The following PALM variants were observed in gnomAD, a reference collection of about 807,000 sequenced individuals.
The protein encoded by PALM is paralemmin-1.
In PALM, 18 loss-of-function variants were observed where a neutral mutation model predicts 30.7. The ratio of observed to expected loss-of-function variants is 0.59; its 90% CI spans 0.41 to 0.87. The LOEUF (loss-of-function observed/expected upper bound fraction) is 0.87, where lower values mean the gene tolerates loss of function less well. Ranked by LOEUF, PALM falls within the 40% of genes least tolerant of loss-of-function variation. The pLI is 0.00. For synonymous variants in PALM, 286 were observed against 242.8 expected (o/e 1.18, Z -1.66); for missense variants, 529 against 555.4 (o/e 0.95, Z 0.48).
chr19:747,118 C>A lies in PALM; in HGVS notation c.*304C>A, dbSNP rs1461118216. ...ACGGCAGCTTCACAGACGCGGCTCGCGCCCACCGGGGTCCTGGCGGGTGGG... is the reference window on the plus strand; with the variant it reads ...ACGGCAGCTTCACAGACGCGGCTCGAGCCCACCGGGGTCCTGGCGGGTGGG... On this transcript the variant is annotated 3_prime_UTR_variant, in exon 9 of 9. Coordinates refer to ENST00000338448, the MANE Select transcript of PALM (RefSeq NM_002579.3). 7 of 323,924 alleles carry A rather than the reference C, an allele frequency of 2.2e-5. No individual in the cohort carries two copies. The highest frequency in any genetic ancestry group is 4.0e-5 in the Non-Finnish European group (7 of 174,398). 20.1% of individuals were successfully genotyped at this position (323,924 alleles called of 1,614,324 possible). A position where few individuals can be genotyped will look rare whatever the true frequency, so the allele number is the denominator to read the frequency against.
At chr19:741,381 T>G (rs566031749) in intron 8 of PALM, among the ~76,000 whole-genome samples, 1 of 123,112 alleles carries the variant, frequency 8.1e-6, no homozygotes. Context: ...TGAGGGGAGT[T>G]GGGCTGCAGG....
rs1202112731 is a variant in PALM, at chr19:709,179, CT to C, written c.5+29del. 3.2e-6 allele frequency: 1 copy of C among 316,626 alleles called. No individual in the cohort carries two copies. The highest frequency in any genetic ancestry group is 4.8e-5 in the East Asian group (1 of 20,908). 19.6% of individuals were successfully genotyped at this position (316,626 alleles called of 1,614,324 possible). On this transcript the variant is annotated intron_variant, in intron 1 of 8. Transcript: ENST00000338448. This position sits in a 1 kb window ranked among gnomAD's most constrained non-coding sequence, Gnocchi z 4.3. ...GAGTAGGCGCGCTCGGGCCGCGGGG[CT>C]GGGGGCCCGGAGCTCCGGGAGCCGG...
intron 4 of PALM, among the ~76,000 whole-genome samples, chr19:729,458 CTTTTTTTTTT>C (rs34688325): frequency 0.038 from 2,732 of 72,752 alleles, 120 homozygotes; most frequent in African/African-American, 0.12. Flanking sequence ...CACGGTGCGT[CTTTTTTTTTT>C]TTTTTTTTTT....
intron 1 of PALM, among the ~76,000 whole-genome samples, chr19:715,219 G>T (rs2032219624): frequency 6.6e-6 from 1 of 152,084 alleles, no homozygotes; most frequent in Non-Finnish European, 1.5e-5. Context: ...AGTGAGCCGA[G>T]ATTGCACCAC....
At chr19:727,472 C>T (rs1599149889) in intron 3 of PALM, 92 bp from the exon 4 acceptor site, 3 of 1,090,750 alleles carry the variant, frequency 2.8e-6, no homozygotes, top group South Asian at 1.4e-5. Flanking sequence ...CTGCCTCAAC[C>T]CCGACCCTGA....
At chr19:744,324 CG>C (rs1397283706) in intron 8 of PALM, among the ~76,000 whole-genome samples, 2 of 148,998 alleles carry the variant, frequency 1.3e-5, no homozygotes, top group Non-Finnish European at 3.0e-5. Flanking sequence ...GGCGTGAACC[CG>C]GGAAGCAGAG....
chr19:717,248 C>T (rs969954452), intron 1 of PALM, among the ~76,000 whole-genome samples: 1 of 152,100 alleles, frequency 6.6e-6, no homozygotes, highest in Non-Finnish European at 1.5e-5. Flanking sequence ...TCTTTCACCA[C>T]AATTGTAGAA....
chr19:721,411 G>A (rs533053157), intron 1 of PALM, among the ~76,000 whole-genome samples: 3 of 143,480 alleles, frequency 2.1e-5, no homozygotes, highest in Non-Finnish European at 3.1e-5. Flanking sequence ...GATTACAGGC[G>A]CCTGGCACCA....
At chr19:712,491 C>T (rs1446357221) in intron 1 of PALM, among the ~76,000 whole-genome samples, 2 of 151,654 alleles carry the variant, frequency 1.3e-5, no homozygotes, top group Non-Finnish European at 2.9e-5. Context: ...TCAAGCGGTT[C>T]TCCTGCCTCA....
chr19:720,149 C>G (rs1204516340), intron 1 of PALM, among the ~76,000 whole-genome samples: 1 of 151,612 alleles, frequency 6.6e-6, no homozygotes, highest in East Asian at 2.0e-4. Flanking sequence ...CCCGAAGCCT[C>G]GGCCCCCCCC....
chr19:734,114 T>TC, intron 5 of PALM, 59 bp from the exon 6 acceptor site: 2 of 1,578,406 alleles, frequency 1.3e-6, no homozygotes, highest in South Asian at 2.2e-5. Flanking sequence ...ACCCCATGGC[T>TC]CCCCTTCCTC....
chr19:734,643 C>T, intron 6 of PALM: 1 of 178,914 alleles, frequency 5.6e-6, no homozygotes, highest in Non-Finnish European at 1.2e-5. Context: ...GTCAGGAGTT[C>T]AAGACCAGCC....
At chr19:714,309 G>A (rs1164480654) in intron 1 of PALM, among the ~76,000 whole-genome samples, 1 of 151,278 alleles carries the variant, frequency 6.6e-6, no homozygotes, top group African/African-American at 2.4e-5. Context: ...CAAAGTGCTG[G>A]GATTACACGC....
intron 7 of PALM, among the ~76,000 whole-genome samples, chr19:739,373 C>T (rs1186352156): frequency 6.6e-6 from 1 of 152,150 alleles, no homozygotes; most frequent in African/African-American, 2.4e-5. Context: ...CTGGGATTCA[C>T]CTGCTCCTCT....
At chr19:733,396 G>A (rs889517769) in intron 5 of PALM, among the ~76,000 whole-genome samples, 1 of 152,224 alleles carries the variant, frequency 6.6e-6, no homozygotes, top group Non-Finnish European at 1.5e-5. Flanking sequence ...CACTGAGGGA[G>A]CATCAGACAC....
intron 1 of PALM, among the ~76,000 whole-genome samples, chr19:710,662 A>AC (rs1034635328): frequency 7.4e-4 from 52 of 70,528 alleles, no homozygotes; most frequent in East Asian, 3.6e-3. Context: ...CCCCCCCCCC[A>AC]CCCCCCCTCC....
intron 3 of PALM, 23 bp downstream of exon 3, chr19:727,111 G>C: frequency 6.8e-7 from 1 of 1,478,648 alleles, no homozygotes; most frequent in Non-Finnish European, 9.2e-7. Context: ...CAGGGACCCA[G>C]GGTCAGGGAG....
In PALM at chr19:747,023, C is replaced by T. The variant is rs147360108; in HGVS notation, c.*209C>T. ...CCCAACACTCCCCCCGAACCAGAGCCGTGCACTTGTGCCTGGTAGGAGAGA... is the reference window on the plus strand; with the variant it reads ...CCCAACACTCCCCCCGAACCAGAGCTGTGCACTTGTGCCTGGTAGGAGAGA... On this transcript the variant is annotated 3_prime_UTR_variant, in exon 9 of 9. Transcript: ENST00000338448. 3,116 of 575,368 alleles carry T rather than the reference C, an allele frequency of 5.4e-3. 12 individuals carry two copies. Among genetic ancestry groups the T allele is most frequent in the Non-Finnish European group, 6.6e-3 (2,142 of 323,078 alleles). 35.6% of individuals were successfully genotyped at this position (575,368 alleles called of 1,614,324 possible).
chr19:745,685 A>AG (rs530382100), intron 8 of PALM, among the ~76,000 whole-genome samples: 1,143 of 61,478 alleles, frequency 0.019, 7 homozygotes, highest in Non-Finnish European at 0.026. Flanking sequence ...GCTCCATCTC[A>AG]GAAAAAAAAA....
Sources: gnomAD v4.1 joint callset for allele counts (sites outside exome capture counted in the v4.1 genomes callset) on GRCh38, gnomAD v4.1.1 for gene constraint, Gnocchi (gnomAD v3.1) non-coding constraint, MANE v1.5 for transcripts, NCBI Gene and HGNC (gene_info 2026-07-23, HGNC 2026-07-21) for gene names.